TCHHL1: variants seen among roughly 807,000 people sequenced by gnomAD.
TCHHL1 encodes trichohyalin-like protein 1.
A neutral mutation model predicts 3.5 loss-of-function variants in TCHHL1; 1 was observed. The ratio of observed to expected loss-of-function variants is 0.29; its 90% CI spans 0.10 to 1.36. The LOEUF is 1.36. Among genes scored for constraint, TCHHL1 ranks in the 40% most tolerant of loss-of-function variants. The probability of loss-of-function intolerance (pLI) is 0.43; values close to 1 mark genes in which losing one functional copy is unlikely to be tolerated. For missense variants in TCHHL1, 1,027 were observed against 1,032.8 expected, an observed-to-expected ratio of 0.99 and a Z score of 0.08; for synonymous variants, 405 against 375.3, an observed-to-expected ratio of 1.08 and a Z score of -0.92.
chr1:152,085,331 C>G lies in TCHHL1; in HGVS notation c.2351G>C (p.Arg784Thr). ...CTCCACAGAACAGGGCTCTTGGTCTCTCTGCATCTGCTTTTCAAGACTTGA... is the reference window on the plus strand; with the variant it reads ...CTCCACAGAACAGGGCTCTTGGTCTGTCTGCATCTGCTTTTCAAGACTTGA... ...PWSSLEKQMQ[R>T]DQEPCSVERG... Residue 784 changes from arginine (R) to threonine (T), a missense_variant, in exon 3 of 3, where the codon AGA (arginine) becomes ACA (threonine). By Grantham distance (71) the Arg-to-Thr change is moderately conservative. Around this residue, in one of 3 missense-constraint regions of TCHHL1, gnomAD observed 673 missense variants for 658.6 expected, o/e 1.02. Coordinates refer to ENST00000368806, the MANE Select transcript of TCHHL1 (RefSeq NM_001008536.2). The G allele has an allele frequency of 6.2e-7, 1 of 1,614,222 alleles. No homozygotes were observed. Among genetic ancestry groups the G allele is most frequent in the Non-Finnish European group, 8.5e-7 (1 of 1,180,044 alleles).
rs760284384 is a variant in TCHHL1, at chr1:152,085,412, T to G, written c.2270A>C (p.Glu757Ala). Residue 757 changes from glutamate to alanine, a missense_variant, in exon 3 of 3, where the codon GAA becomes GCA. Around this residue, in one of 3 missense-constraint regions of TCHHL1, gnomAD observed 673 missense variants for 658.6 expected, o/e 1.02. Transcript: ENST00000368806. ...EDESPQELAG[E>A]GGDQKSPAKK... ...GGCTGGACTTTTTTGGTCACCACCT[T>G]CTCCTGCCAGCTCTTGGGGACTTTC... 3.1e-6 allele frequency: 5 copies of G among 1,614,090 alleles called. No homozygotes were observed. The African/African-American group carries it at 6.7e-5, about 22-fold the overall frequency.
chr1:152,087,515 T>A lies in TCHHL1; in HGVS notation c.167A>T (p.Asn56Ile). Reference protein sequence around the residue: ...QPCVLHAVEKNSNLLNIDSNG... With the variant: ...QPCVLHAVEKISNLLNIDSNG... ...ACTGTCAATATTCAGAAGATTTGAA[T>A]TTTTTTCCACAGCATGAAGGACACA... Residue 56 changes from asparagine (N) to isoleucine (I), a missense_variant, in exon 3 of 3, where the codon AAT becomes ATT. This residue lies in a region of TCHHL1 where 338 missense variants were observed against 335.9 expected (regional missense o/e 1.01). Coordinates refer to ENST00000368806, the MANE Select transcript of TCHHL1 (RefSeq NM_001008536.2). 1 of 1,598,222 alleles carries A rather than the reference T, an allele frequency of 6.3e-7. No individual in the cohort carries two copies. The highest frequency in any genetic ancestry group is 8.5e-7 in the Non-Finnish European group (1 of 1,179,112).
chr1:152,086,998 A>G lies in TCHHL1; in HGVS notation c.684T>C (p.Asp228=). ...CATCTCCTTCCTGGGAGATCTCCTTATCTTGTCCCTTCCTCTCTGTGGGAC... is the reference window on the plus strand; with the variant it reads ...CATCTCCTTCCTGGGAGATCTCCTTGTCTTGTCCCTTCCTCTCTGTGGGAC... ...TSSPTERKGQ[D]KEISQEGDEP... is the part of the protein sequence containing the mutation. The change falls in exon 3 of 3, where the codon GAT becomes GAC. Residue 228 remains aspartate, a synonymous_variant. Transcript: ENST00000368806. 6.2e-7 allele frequency: 1 copy of G among 1,613,072 alleles called. No individual in the cohort carries two copies. Among genetic ancestry groups the G allele is most frequent in the East Asian group, 2.2e-5 (1 of 44,850 alleles).
rs41266086 is a variant in TCHHL1 at position 152,085,737 on chromosome 1, G to C, written c.1945C>G (p.Pro649Ala). 90 of 1,614,112 alleles carry C rather than the reference G, an allele frequency of 5.6e-5. No homozygotes were observed. The highest frequency in any genetic ancestry group is 1.3e-4 in the Admixed American group (8 of 60,022). Residue 649 changes from proline to alanine, a missense_variant, in exon 3 of 3, where the codon CCC (proline) becomes GCC (alanine). Pro to Ala is a conservative substitution (Grantham distance 27). Around this residue, in one of 3 missense-constraint regions of TCHHL1, gnomAD observed 673 missense variants for 658.6 expected, o/e 1.02. Transcript: ENST00000368806. The stretch of plus-strand genomic sequence containing the variant: ...TCCTGTGCTTCTGGGTGTCCATTGG[G>C]CTCCACAGCTGCACCTGGGCCTTTG... ...GTKGPGAAVE[P>A]NGHPEAQEST...
In TCHHL1 at chr1:152,085,461, G is replaced by T. The variant is rs141490159; in HGVS notation, c.2221C>A (p.Pro741Thr). ...SLKIQLETKE[P>T]VTSEEEDESP... is the part of the protein sequence containing the mutation. ...TCATCTTCCTCCTCTGATGTTACAG[G>T]TTCCTTTGTTTCAAGTTGTATCTTG... The change falls in exon 3 of 3, where the codon CCT (proline) becomes ACT (threonine). Residue 741 changes from proline (P) to threonine (T), a missense_variant. Pro to Thr is a conservative substitution (Grantham distance 38, BLOSUM62 -1). This residue lies in a region of TCHHL1 where 673 missense variants were observed against 658.6 expected (regional missense o/e 1.02). Coordinates refer to ENST00000368806, the MANE Select transcript of TCHHL1 (RefSeq NM_001008536.2). 18 of 1,614,030 alleles carry T rather than the reference G, an allele frequency of 1.1e-5. No homozygotes were observed. In the African/African-American group the frequency reaches 2.0e-4, roughly 18 times the overall value.
rs1458513223 is a variant in TCHHL1, at chr1:152,086,541, C to A, written c.1141G>T (p.Gly381Cys). 2 of 1,614,130 alleles carry A rather than the reference C, an allele frequency of 1.2e-6. No individual in the cohort carries two copies. The highest frequency in any genetic ancestry group is 1.7e-6 in the Non-Finnish European group (2 of 1,180,036). ...DLPVQYGSRN[G>C]SETSDMRDER... is the part of the protein sequence containing the mutation. ...TCTCTCATGTCAGATGTTTCTGAACCATTTCTGCTACCATATTGGACTGGC... is the reference window on the plus strand; with the variant it reads ...TCTCTCATGTCAGATGTTTCTGAACAATTTCTGCTACCATATTGGACTGGC... Residue 381 changes from glycine to cysteine, a missense_variant, in exon 3 of 3, where the codon GGT (glycine) becomes TGT (cysteine). Physicochemically the swap from Gly to Cys is radical, Grantham distance 159. Around this residue, in one of 3 missense-constraint regions of TCHHL1, gnomAD observed 673 missense variants for 658.6 expected, o/e 1.02. Coordinates refer to ENST00000368806, the MANE Select transcript of TCHHL1 (RefSeq NM_001008536.2).
In TCHHL1 at chr1:152,086,508, T is replaced by G. The variant is rs1273027949; in HGVS notation, c.1174A>C (p.Lys392Gln). 1 of 1,614,192 alleles carries G rather than the reference T, an allele frequency of 6.2e-7. No homozygotes were observed. The highest frequency in any genetic ancestry group is 8.5e-7 in the Non-Finnish European group (1 of 1,180,032). ...TGGGCCTCAGGACCTCTCCTCTCTT[T>G]CCTTTCATCTCTCATGTCAGATGTT... is the stretch of plus-strand genomic sequence containing the variant. ...SETSDMRDER[K>Q]ERRGPEAHGT... Residue 392 changes from lysine to glutamine, a missense_variant, in exon 3 of 3, where the codon AAA (lysine) becomes CAA (glutamine). Physicochemically the swap from Lys to Gln is moderately conservative, Grantham distance 53. This residue lies in a region of TCHHL1 where 673 missense variants were observed against 658.6 expected (regional missense o/e 1.02). Transcript: ENST00000368806.
In TCHHL1 at chr1:152,086,531, G is replaced by A; in HGVS notation, c.1151C>T (p.Thr384Ile). 6.2e-7 allele frequency: 1 copy of A among 1,614,086 alleles called. No individual in the cohort carries two copies. Among genetic ancestry groups the A allele is most frequent in the Non-Finnish European group, 8.5e-7 (1 of 1,180,044 alleles). The change falls in exon 3 of 3, where the codon ACA becomes ATA. Residue 384 changes from threonine (T) to isoleucine (I), a missense_variant. Physicochemically the swap from Thr to Ile is moderately conservative, Grantham distance 89. Coordinates refer to ENST00000368806, the MANE Select transcript of TCHHL1 (RefSeq NM_001008536.2). ...VQYGSRNGSE[T>I]SDMRDERKER... ...TTTCCTTTCATCTCTCATGTCAGAT[G>A]TTTCTGAACCATTTCTGCTACCATA...
Position 152,088,100 on chromosome 1 carries a change from A to C in TCHHL1, c.44T>G (p.Phe15Cys). 1 of 1,609,332 alleles carries C rather than the reference A, an allele frequency of 6.2e-7. No individual in the cohort carries two copies. ...LRNVLCVIET[F>C]HKYASEDSNG... ...ACTGTCCTCACTGGCATATTTGTGG[A>C]ATGTCTCAATTACACAGAGGACATT... The change falls in exon 2 of 3, where the codon TTC (phenylalanine) becomes TGC (cysteine). Residue 15 changes from phenylalanine (F) to cysteine (C), a missense_variant. By Grantham distance (205) the Phe-to-Cys change is radical (BLOSUM62 -2). Coordinates refer to ENST00000368806, the MANE Select transcript of TCHHL1 (RefSeq NM_001008536.2).
At position 152,084,842 on chromosome 1, in the gene TCHHL1, T is replaced by C. The variant is rs1657685528; in HGVS notation, c.*125A>G. The C allele has an allele frequency of 9.1e-7, 1 of 1,102,190 alleles. No individual in the cohort carries two copies. The highest frequency in any genetic ancestry group is 1.6e-5 in the African/African-American group (1 of 63,600). 68.3% of individuals were successfully genotyped at this position (1,102,190 alleles called of 1,614,324 possible). A position where few individuals can be genotyped will look rare whatever the true frequency, so the allele number is the denominator to read the frequency against. ...GTGTCCCCCACTGCTGAATATTTTA[T>C]TATTTGTTTTTGTAGAAATTTAGGA... On this transcript the variant is annotated 3_prime_UTR_variant, in exon 3 of 3. Transcript: ENST00000368806.
In TCHHL1 at chr1:152,086,141, GTA is replaced by G. The variant is rs773200961; in HGVS notation, c.1539_1540del (p.Thr514Ter). ...TTGGTCATGAGTCTTGGTGACCCTA[GTA>G]TTTTCTCCTACAGACTGCTTCTCAA... On this transcript the variant is annotated frameshift_variant, in exon 3 of 3. Coordinates refer to ENST00000368806, the MANE Select transcript of TCHHL1 (RefSeq NM_001008536.2). LOFTEE classifies it low-confidence loss of function (END_TRUNC). The G allele has an allele frequency of 1.2e-6, 2 of 1,614,192 alleles. No homozygotes were observed. Among genetic ancestry groups the G allele is most frequent in the South Asian group, 2.2e-5 (2 of 91,078 alleles).
rs1214120573 is a variant in TCHHL1 at position 152,086,389 on chromosome 1, T to A, written c.1293A>T (p.Gly431=). The change falls in exon 3 of 3, where the codon GGA becomes GGT. Residue 431 remains glycine (G), a synonymous_variant. Coordinates refer to ENST00000368806, the MANE Select transcript of TCHHL1 (RefSeq NM_001008536.2). ...TQDGKYQELQ[G]LSKSKDAEKG... is the part of the protein sequence containing the mutation. ...TTTCAGCATCTTTTGATTTTGATAATCCTTGGAGTTCCTGATACTTCCCAT... is the reference window on the plus strand; with the variant it reads ...TTTCAGCATCTTTTGATTTTGATAAACCTTGGAGTTCCTGATACTTCCCAT... 1 of 1,614,210 alleles carries A rather than the reference T, an allele frequency of 6.2e-7. No homozygotes were observed. Among genetic ancestry groups the A allele is most frequent in the Non-Finnish European group, 8.5e-7 (1 of 1,180,032 alleles).
Position 152,085,878 on chromosome 1 carries a change from CA to C in TCHHL1, c.1803del (p.Glu602ArgfsTer69). The C allele has an allele frequency of 6.2e-7, 1 of 1,614,186 alleles. No homozygotes were observed. Among genetic ancestry groups the C allele is most frequent in the Non-Finnish European group, 8.5e-7 (1 of 1,180,026 alleles). On this transcript the variant is annotated frameshift_variant, in exon 3 of 3. Transcript: ENST00000368806. LOFTEE classifies it low-confidence loss of function (END_TRUNC). Reference sequence around the variant, plus strand: ...ACTGCCTCCAGAGCTCTGTTTTTCTCACCAGGTGTTCCCTGCCTCTGGGTAT... The same window carrying C: ...ACTGCCTCCAGAGCTCTGTTTTTCTCCCAGGTGTTCCCTGCCTCTGGGTAT... ...NPDTQRQGTP[G>X]EKNRALEAVV...
Position 152,087,479 on chromosome 1 carries a change from A to T in TCHHL1, c.203T>A (p.Ile68Asn). The change falls in exon 3 of 3, where the codon ATC (isoleucine) becomes AAC (asparagine). Residue 68 changes from isoleucine (I) to asparagine (N), a missense_variant. Around this residue, in one of 3 missense-constraint regions of TCHHL1, gnomAD observed 338 missense variants for 335.9 expected, o/e 1.01. Coordinates refer to ENST00000368806, the MANE Select transcript of TCHHL1 (RefSeq NM_001008536.2). ...NLLNIDSNGIISFDEFVLAIF... is the reference protein window; with the variant it reads ...NLLNIDSNGINSFDEFVLAIF... Reference sequence around the variant, plus strand: ...TGCAAGAACAAATTCATCAAAACTGATGATGCCATTACTGTCAATATTCAG... The same window carrying T: ...TGCAAGAACAAATTCATCAAAACTGTTGATGCCATTACTGTCAATATTCAG... 2 of 1,603,384 alleles carry T rather than the reference A, an allele frequency of 1.2e-6. No homozygotes were observed. Among genetic ancestry groups the T allele is most frequent in the Non-Finnish European group, 1.7e-6 (2 of 1,179,900 alleles).
At position 152,085,539 on chromosome 1, in the gene TCHHL1, C is replaced by T. The variant is rs766789771; in HGVS notation, c.2143G>A (p.Glu715Lys). ...SSKEEKGRATEAQNTLLESLD... is the reference protein window; with the variant it reads ...SSKEEKGRATKAQNTLLESLD... ...CTTTCTAACAGAGTATTCTGGGCCT[C>T]TGTTGCTCTTCCTTTCTCTTCTTTG... Residue 715 changes from glutamate to lysine, a missense_variant, in exon 3 of 3, where the codon GAG (glutamate) becomes AAG (lysine). Transcript: ENST00000368806. 7.4e-6 allele frequency: 12 copies of T among 1,614,120 alleles called. No individual in the cohort carries two copies. The highest frequency in any genetic ancestry group is 1.0e-5 in the Non-Finnish European group (12 of 1,180,054).
chr1:152,088,058 G>A lies in TCHHL1; in HGVS notation c.86C>T (p.Thr29Ile), dbSNP rs1489855972. 1 of 1,611,558 alleles carries A rather than the reference G, an allele frequency of 6.2e-7. No homozygotes were observed. The highest frequency in any genetic ancestry group is 8.5e-7 in the Non-Finnish European group (1 of 1,179,286). ...ASEDSNGATLTGRELKQLIQG... is the reference protein window; with the variant it reads ...ASEDSNGATLIGRELKQLIQG... ...GATGAGTTGTTTCAGCTCTCTGCCAGTCAGTGTTGCCCCGTTACTGTCCTC... is the reference window on the plus strand; with the variant it reads ...GATGAGTTGTTTCAGCTCTCTGCCAATCAGTGTTGCCCCGTTACTGTCCTC... Residue 29 changes from threonine (T) to isoleucine (I), a missense_variant, in exon 2 of 3, where the codon ACT becomes ATT. By Grantham distance (89) the Thr-to-Ile change is moderately conservative. Around this residue, in one of 3 missense-constraint regions of TCHHL1, gnomAD observed 338 missense variants for 335.9 expected, o/e 1.01. Coordinates refer to ENST00000368806, the MANE Select transcript of TCHHL1 (RefSeq NM_001008536.2).
At position 152,086,137 on chromosome 1, in the gene TCHHL1, C is replaced by T. The variant is rs1301633302; in HGVS notation, c.1545G>A (p.Arg515=). 2 of 1,614,134 alleles carry T rather than the reference C, an allele frequency of 1.2e-6. No individual in the cohort carries two copies. The highest frequency in any genetic ancestry group is 1.3e-5 in the African/African-American group (1 of 75,012). Residue 515 remains arginine (R), a synonymous_variant, in exon 3 of 3, where the codon AGG becomes AGA. Transcript: ENST00000368806. The stretch of plus-strand genomic sequence containing the variant: ...CTGGTTGGTCATGAGTCTTGGTGAC[C>T]CTAGTATTTTCTCCTACAGACTGCT... The part of the protein sequence containing the change: ...LEKQSVGENT[R]VTKTHDQPVE...
chr1:152,085,640 G>T lies in TCHHL1; in HGVS notation c.2042C>A (p.Thr681Asn). The change falls in exon 3 of 3, where the codon ACT becomes AAT. Residue 681 changes from threonine (T) to asparagine (N), a missense_variant. Around this residue, in one of 3 missense-constraint regions of TCHHL1, gnomAD observed 673 missense variants for 658.6 expected, o/e 1.02. Transcript: ENST00000368806. ...GAGCTGCATTAGGGAAAGCTGGTCA[G>T]TGAAGTCTTCATCCAGGGCACCTGT... is the stretch of plus-strand genomic sequence containing the variant. ...EITGALDEDF[T>N]DQLSLMQLPG... is the part of the protein sequence containing the mutation. 6.2e-7 allele frequency: 1 copy of T among 1,614,158 alleles called. No individual in the cohort carries two copies. Among genetic ancestry groups the T allele is most frequent in the Non-Finnish European group, 8.5e-7 (1 of 1,180,038 alleles).
rs748784319 is a variant in TCHHL1 at position 152,085,885 on chromosome 1, T to C, written c.1797A>G (p.Thr599=). 1 of 1,614,066 alleles carries C rather than the reference T, an allele frequency of 6.2e-7. No individual in the cohort carries two copies. The highest frequency in any genetic ancestry group is 8.5e-7 in the Non-Finnish European group (1 of 1,180,042). The change falls in exon 3 of 3, where the codon ACA becomes ACG. Residue 599 remains threonine (T), a synonymous_variant. Coordinates refer to ENST00000368806, the MANE Select transcript of TCHHL1 (RefSeq NM_001008536.2). ...NNNPDTQRQG[T]PGEKNRALEA... is the part of the protein sequence containing the mutation. ...CCAGAGCTCTGTTTTTCTCACCAGG[T>C]GTTCCCTGCCTCTGGGTATCTGGGT...
Sources: gnomAD v4.1 joint callset for allele counts on GRCh38, gnomAD v4.1.1 for gene constraint, gnomAD v4.1.1 regional missense constraint, MANE v1.5 for transcripts, NCBI Gene and HGNC (gene_info 2026-07-23, HGNC 2026-07-21) for gene names.